ACTR3B: variants seen among roughly 807,000 people sequenced by gnomAD.
The protein encoded by ACTR3B is actin related protein 3B.
ACTR3B carries 8 observed loss-of-function variants against 59.0 expected under a neutral mutation model. That is an observed-to-expected ratio of 0.14 (90% confidence interval 0.08 to 0.24). The LOEUF (loss-of-function observed/expected upper bound fraction) is 0.24. ACTR3B is among the 10% of genes least tolerant of loss of function. The pLI is 1.00. For synonymous variants in ACTR3B, 148 were observed against 197.9 expected (o/e 0.75, Z 2.12); for missense variants, 245 against 552.3 (o/e 0.44, Z 5.58).
chr7:152,777,182 A>G (rs1162606520), intron 1 of ACTR3B, among the ~76,000 whole-genome samples: 1 of 152,122 alleles, frequency 6.6e-6, no homozygotes. Flanking sequence ...CCTGTGTATA[A>G]TTTACCACCA....
At chr7:152,764,085 A>C (rs1413586720) in intron 1 of ACTR3B, among the ~76,000 whole-genome samples, 1 of 151,556 alleles carries the variant, frequency 6.6e-6, no homozygotes, top group East Asian at 2.0e-4. Context: ...AGCTCACTAC[A>C]ACCTCTGCCT....
intron 1 of ACTR3B, among the ~76,000 whole-genome samples, chr7:152,779,076 G>A (rs1258321300): frequency 6.6e-6 from 1 of 151,246 alleles, no homozygotes; most frequent in East Asian, 1.9e-4. Flanking sequence ...GTGGAAGAAG[G>A]TTGTGGTATA....
chr7:152,822,758 C>G (rs1796273855), intron 7 of ACTR3B, among the ~76,000 whole-genome samples: 2 of 152,252 alleles, frequency 1.3e-5, no homozygotes, highest in African/African-American at 2.4e-5. Context: ...ACAAGGTACA[C>G]TGTCTCTAGG....
intron 2 of ACTR3B, among the ~76,000 whole-genome samples, chr7:152,799,435 T>C (rs1165737919): frequency 6.6e-6 from 1 of 152,218 alleles, no homozygotes; most frequent in Admixed American, 6.5e-5. Context: ...ACCTGTCTCA[T>C]AAGCTATTGT....
intron 1 of ACTR3B, among the ~76,000 whole-genome samples, chr7:152,761,961 G>A (rs192089646): frequency 6.6e-6 from 1 of 152,254 alleles, no homozygotes; most frequent in Admixed American, 6.5e-5. Context: ...CATCATAAGA[G>A]TCATGGTTAT....
At chr7:152,817,303 C>T (rs945315458) in intron 6 of ACTR3B, among the ~76,000 whole-genome samples, 2 of 152,144 alleles carry the variant, frequency 1.3e-5, no homozygotes, top group African/African-American at 2.4e-5. Flanking sequence ...ATCGCTTGAA[C>T]CCGGGAGACG....
In ACTR3B at chr7:152,800,513, G is replaced by C. The variant is rs1224972056; in HGVS notation, c.101-18G>C. ...TATGGATAGTGATAGAAATCTGTGT[G>C]TGTGTGTTTTTTTTAAGGTATTGCC... On this transcript the variant is annotated intron_variant, in intron 2 of 11. Transcript: ENST00000256001. The C allele has an allele frequency of 3.1e-6, 5 of 1,612,540 alleles. No homozygotes were observed. The highest frequency in any genetic ancestry group is 4.2e-6 in the Non-Finnish European group (5 of 1,179,238).
At chr7:152,825,331 A>G (rs1796483054) in intron 9 of ACTR3B, among the ~76,000 whole-genome samples, 1 of 142,720 alleles carries the variant, frequency 7.0e-6, no homozygotes, top group South Asian at 2.1e-4. Context: ...TTTATTTTGG[A>G]GACGGACTCT....
rs144608640 is a variant in ACTR3B, at chr7:152,854,566, C to G, written c.*13C>G. 1.7e-4 allele frequency: 279 copies of G among 1,612,700 alleles called. No individual in the cohort carries two copies. The highest frequency in any genetic ancestry group is 1.2e-4 in the Non-Finnish European group (139 of 1,178,970). On this transcript the variant is annotated 3_prime_UTR_variant, in exon 12 of 12. Coordinates refer to ENST00000256001, the MANE Select transcript of ACTR3B (RefSeq NM_020445.6). This position sits in a 1 kb window ranked among gnomAD's most constrained non-coding sequence, Gnocchi z 4.9. ...AGTCATGTCCTAGTGTCTGCCTGAA[C>G]GCGTCGTTCGATGGTGTCACGTTGG...
intron 6 of ACTR3B, among the ~76,000 whole-genome samples, chr7:152,819,635 C>T (rs1795993090): frequency 6.6e-6 from 1 of 152,162 alleles, no homozygotes; most frequent in South Asian, 2.1e-4. Context: ...TTTCCTGGCC[C>T]CTCACAGACA....
At chr7:152,852,026 C>T in intron 9 of ACTR3B, 100 bp from the exon 10 acceptor site, 2 of 1,515,124 alleles carry the variant, frequency 1.3e-6, no homozygotes, top group Non-Finnish European at 1.8e-6. Context: ...ATGTGTCGTG[C>T]CCACAAGCGA....
At chr7:152,834,533 A>G (rs540827621) in intron 9 of ACTR3B, among the ~76,000 whole-genome samples, 10 of 152,208 alleles carry the variant, frequency 6.6e-5, no homozygotes, top group African/African-American at 2.2e-4. Context: ...GTCCTGTTGT[A>G]TTTATGTTTC....
intron 9 of ACTR3B, among the ~76,000 whole-genome samples, chr7:152,835,799 T>C (rs986823268): frequency 6.6e-6 from 1 of 152,228 alleles, no homozygotes; most frequent in Non-Finnish European, 1.5e-5. Flanking sequence ...CTACATACTT[T>C]AGTTATTTAT....
At chr7:152,764,029 G>A (rs868291890) in intron 1 of ACTR3B, among the ~76,000 whole-genome samples, 5 of 151,390 alleles carry the variant, frequency 3.3e-5, no homozygotes, top group African/African-American at 9.7e-5. Flanking sequence ...TTTTTGAGAC[G>A]GAGTCTTGCT....
At chr7:152,807,655 T>C (rs2098256410) in intron 4 of ACTR3B, among the ~76,000 whole-genome samples, 1 of 152,358 alleles carries the variant, frequency 6.6e-6, no homozygotes, top group South Asian at 2.1e-4. Context: ...CTTGTCAGCA[T>C]TAATATTATT....
At chr7:152,848,957 G>C (rs77069708) in intron 9 of ACTR3B, among the ~76,000 whole-genome samples, 2,059 of 152,292 alleles carry the variant, frequency 0.014, 20 homozygotes, top group East Asian at 0.035. Context: ...TCATGATGCT[G>C]ATCCTGGGGC....
intron 9 of ACTR3B, among the ~76,000 whole-genome samples, chr7:152,849,960 CA>C (rs1438977287): frequency 2.0e-5 from 3 of 151,992 alleles, no homozygotes; most frequent in African/African-American, 7.3e-5. Flanking sequence ...GGTGGAAGGC[CA>C]GATCACTGGT....
chr7:152,813,124 C>T (rs1206649174), intron 4 of ACTR3B: 1 of 93,504 alleles, frequency 1.1e-5, no homozygotes, highest in Non-Finnish European at 2.2e-5. Flanking sequence ...AATTAGGGCC[C>T]CACCCCTATG....
chr7:152,819,519 C>A (rs1465879766), intron 6 of ACTR3B, among the ~76,000 whole-genome samples: 6 of 152,156 alleles, frequency 3.9e-5, no homozygotes, highest in Non-Finnish European at 8.8e-5. Context: ...CAGGTCTGTG[C>A]CCACAGGAAG....
Sources: gnomAD v4.1 joint callset for allele counts (sites outside exome capture counted in the v4.1 genomes callset) on GRCh38, gnomAD v4.1.1 for gene constraint, Gnocchi (gnomAD v3.1) non-coding constraint, MANE v1.5 for transcripts, NCBI Gene and HGNC (gene_info 2026-07-23, HGNC 2026-07-21) for gene names.